The following CDH10 variants were observed in gnomAD, a reference collection of about 807,000 sequenced individuals.
CDH10 encodes the protein cadherin 10.
In CDH10, 30 loss-of-function variants were observed where a neutral mutation model predicts 73.1. That is an observed-to-expected ratio of 0.41 (90% CI 0.31 to 0.56). The LOEUF is 0.56. Among genes scored for constraint, CDH10 ranks in the 20% least tolerant of loss-of-function variants. The pLI, the probability that CDH10 is intolerant of heterozygous loss-of-function variation, is 0.27. For missense variants in CDH10, 815 were observed against 973.7 expected, an observed-to-expected ratio of 0.84 and a Z score of 2.17; for synonymous variants, 345 against 348.2, an observed-to-expected ratio of 0.99 and a Z score of 0.10.
chr5:24,511,909 C>T (rs1342135761), intron 5 of CDH10, among the ~76,000 whole-genome samples: 3 of 152,120 alleles, frequency 2.0e-5, no homozygotes, highest in Non-Finnish European at 4.4e-5. Flanking sequence ...CACACGTTAT[C>T]ACTCATAAGT....
At chr5:24,519,747 G>C (rs1177513142) in intron 5 of CDH10, among the ~76,000 whole-genome samples, 1 of 152,192 alleles carries the variant, frequency 6.6e-6, no homozygotes, top group Non-Finnish European at 1.5e-5. Flanking sequence ...TAGAATTGAT[G>C]GATGTTATAT....
At chr5:24,625,365 GC>G (rs1039559934) in intron 1 of CDH10, among the ~76,000 whole-genome samples, 4 of 151,804 alleles carry the variant, frequency 2.6e-5, no homozygotes, top group African/African-American at 9.7e-5. Flanking sequence ...GAACTAAATA[GC>G]AAGAGTAGAT....
chr5:24,552,415 A>G (rs916559101), intron 2 of CDH10, among the ~76,000 whole-genome samples: 1 of 152,000 alleles, frequency 6.6e-6, no homozygotes, highest in Non-Finnish European at 1.5e-5. Flanking sequence ...TTTTCATTAA[A>G]TGCCTTTGTA....
intron 1 of CDH10, among the ~76,000 whole-genome samples, chr5:24,643,598 TG>T (rs1748126825): frequency 6.6e-6 from 1 of 152,114 alleles, no homozygotes; most frequent in African/African-American, 2.4e-5. Context: ...TGTGCAGTTT[TG>T]GATAATAGAA....
intron 1 of CDH10, among the ~76,000 whole-genome samples, chr5:24,614,476 G>A (rs1222822148): frequency 3.3e-5 from 5 of 152,108 alleles, no homozygotes; most frequent in Admixed American, 2.6e-4. Context: ...TTGATGATGT[G>A]CATATTAAAT....
At chr5:24,577,161 T>C (rs909410268) in intron 2 of CDH10, among the ~76,000 whole-genome samples, 6 of 151,884 alleles carry the variant, frequency 4.0e-5, no homozygotes, top group Admixed American at 6.6e-5. Context: ...TGTAGTTTTC[T>C]GGTGGAATTC....
chr5:24,491,450 C>T (rs1742049947), intron 11 of CDH10, 126 bp downstream of exon 11: 1 of 702,706 alleles, frequency 1.4e-6, no homozygotes, highest in Admixed American at 2.8e-5. Flanking sequence ...AAGAATATCA[C>T]AAAGTTAATT....
At chr5:24,642,602 A>G (rs963721723) in intron 1 of CDH10, among the ~76,000 whole-genome samples, 1 of 152,158 alleles carries the variant, frequency 6.6e-6, no homozygotes, top group African/African-American at 2.4e-5. Context: ...GTAAAAATCT[A>G]ACAATGAAAT....
At position 24,487,773 on chromosome 5, in the gene CDH10, A is replaced by C. The variant is rs1741894329; in HGVS notation, c.2257T>G (p.Ser753Ala). The change falls in exon 12 of 12, where the codon TCA (serine) becomes GCA (alanine). Residue 753 changes from serine to alanine, a missense_variant. Physicochemically the swap from Ser to Ala is moderately conservative, Grantham distance 99. Transcript: ENST00000264463. The part of the protein sequence containing the change: ...SIAESLSSLE[S>A]GTTEGDQNYD... ...TTTTGGTCTCCTTCAGTAGTACCTG[A>C]TTCTAATGAACTCAGAGATTCAGCA... is the stretch of plus-strand genomic sequence containing the variant. The C allele has an allele frequency of 6.2e-7, 1 of 1,613,808 alleles. No homozygotes were observed. The highest frequency in any genetic ancestry group is 1.1e-5 in the South Asian group (1 of 91,068).
intron 2 of CDH10, among the ~76,000 whole-genome samples, chr5:24,553,451 T>C (rs1376938885): frequency 2.0e-5 from 3 of 152,126 alleles, no homozygotes; most frequent in African/African-American, 7.2e-5. Flanking sequence ...TTCATCCTCC[T>C]GGCTTTTCCC....
intron 3 of CDH10, 121 bp downstream of exon 3, chr5:24,537,259 A>C: frequency 3.1e-6 from 2 of 654,516 alleles, no homozygotes; most frequent in Non-Finnish European, 5.1e-6. Flanking sequence ...AAAATAAATA[A>C]ATATGTACTC....
At chr5:24,612,689 T>TA (rs1429865742) in intron 1 of CDH10, 1 of 152,156 alleles carries the variant, frequency 6.6e-6, no homozygotes, top group East Asian at 1.9e-4. Flanking sequence ...GCTCTCAGGT[T>TA]TATATACATA....
At chr5:24,514,360 A>G (rs1743028995) in intron 5 of CDH10, among the ~76,000 whole-genome samples, 1 of 152,156 alleles carries the variant, frequency 6.6e-6, no homozygotes, top group South Asian at 2.1e-4. Context: ...AATTAATACT[A>G]TCCAATTATC....
chr5:24,534,514 A>G (rs1039844181), intron 5 of CDH10, among the ~76,000 whole-genome samples: 3 of 152,084 alleles, frequency 2.0e-5, no homozygotes, highest in African/African-American at 4.8e-5. Flanking sequence ...CCTATTCCTA[A>G]TCTATTTTAA....
At chr5:24,500,710 C>T (rs368323398) in intron 8 of CDH10, among the ~76,000 whole-genome samples, 1 of 152,334 alleles carries the variant, frequency 6.6e-6, no homozygotes, top group South Asian at 2.1e-4. Context: ...ATGAAAGTAT[C>T]AGTTTAATGA....
intron 1 of CDH10, among the ~76,000 whole-genome samples, chr5:24,624,897 A>G (rs1272091599): frequency 1.3e-5 from 2 of 152,178 alleles, no homozygotes; most frequent in Non-Finnish European, 2.9e-5. Flanking sequence ...CAACTAAACT[A>G]TCATTAAAGA....
At chr5:24,529,471 A>G (rs1453065958) in intron 5 of CDH10, among the ~76,000 whole-genome samples, 1 of 151,924 alleles carries the variant, frequency 6.6e-6, no homozygotes, top group Non-Finnish European at 1.5e-5. Flanking sequence ...TAAGTGGGGA[A>G]ATTTTTTATT....
chr5:24,522,115 G>A (rs111275760), intron 5 of CDH10, among the ~76,000 whole-genome samples: 1,863 of 152,124 alleles, frequency 0.012, 39 homozygotes, highest in African/African-American at 0.041. Flanking sequence ...GTGGGCTACA[G>A]AGCGAGACTC....
chr5:24,595,340 A>G lies in CDH10; in HGVS notation c.-123-1727T>C, dbSNP rs546171892. ...TTTGTTTCATTATTAAGAAGATTTA[A>G]AAGTTAATATAAATGTTTCAAAGAA... On this transcript the variant is annotated intron_variant, in intron 1 of 11. Transcript: ENST00000264463. 5.9e-5 allele frequency among the ~76,000 whole-genome samples: 9 copies of G among 152,062 alleles called. No individual in the cohort carries two copies. The East Asian group carries it at 1.7e-3, about 29-fold the overall frequency.
Sources: allele counts gnomAD v4.1 joint callset (sites outside exome capture counted in the v4.1 genomes callset), GRCh38; gene constraint gnomAD v4.1.1; transcripts MANE v1.5; gene names NCBI Gene and HGNC (gene_info 2026-07-23, HGNC 2026-07-21).